The following PLPBP variants were observed in gnomAD, a reference collection of about 807,000 sequenced individuals.
PLPBP encodes the protein pyridoxal phosphate binding protein, also known as pyridoxal phosphate homeostasis protein.
A neutral mutation model predicts 31.2 loss-of-function variants in PLPBP; 21 were observed. The observed-to-expected ratio is 0.67, with a 90% CI of 0.48 to 0.97. PLPBP has a LOEUF of 0.97. Ranked by LOEUF, PLPBP falls within the 50% of genes least tolerant of loss-of-function variation. PLPBP has a pLI of 0.00. For synonymous variants in PLPBP, 124 were observed against 135.6 expected (o/e 0.91, Z 0.59); for missense variants, 308 against 354.4 (o/e 0.87, Z 1.05).
intron 3 of PLPBP, 70 bp from the exon 4 acceptor site, chr8:37,766,207 AGTG>A: frequency 9.5e-7 from 1 of 1,054,392 alleles, no homozygotes. Context: ...GGTGACAGGG[AGTG>A]CACGAGGCGT....
intron 7 of PLPBP, 126 bp from the exon 8 acceptor site, chr8:37,777,847 A>G: frequency 9.2e-7 from 1 of 1,084,516 alleles, no homozygotes; most frequent in Non-Finnish European, 1.3e-6. Flanking sequence ...CTGGGATTAC[A>G]GGCGTGAGCC....
intron 6 of PLPBP, among the ~76,000 whole-genome samples, 191 bp downstream of exon 6, chr8:37,775,672 A>G (rs1803883367): frequency 6.6e-6 from 1 of 152,192 alleles, no homozygotes; most frequent in Non-Finnish European, 1.5e-5. Context: ...AACCTTTTTC[A>G]ACTCAACTTG....
rs115792501 is a variant in PLPBP at position 37,774,930 on chromosome 8, A to T, written c.455-409A>T. 1,349 of 158,852 alleles carry T rather than the reference A, an allele frequency of 8.5e-3. 17 individuals carry two copies. The highest frequency in any genetic ancestry group is 0.031 in the African/African-American group (1,291 of 41,660). The allele number at this position is 158,852 out of a possible 1,614,324, so 9.8% of individuals were successfully genotyped here. On this transcript the variant is annotated intron_variant, in intron 5 of 7. Coordinates refer to ENST00000328195, the MANE Select transcript of PLPBP (RefSeq NM_007198.4). ...GCCAAAAATATTTAACATGTACTTT[A>T]TACTAAATTTTTTGCAACTCCATTA...
intron 4 of PLPBP, among the ~76,000 whole-genome samples, chr8:37,767,639 A>G (rs911946669): frequency 6.6e-6 from 1 of 152,140 alleles, no homozygotes; most frequent in South Asian, 2.1e-4. Context: ...ATAAGTTGCT[A>G]TGAATATTTG....
intron 7 of PLPBP, 33 bp from the exon 8 acceptor site, chr8:37,777,940 C>G: frequency 6.3e-7 from 1 of 1,594,070 alleles, no homozygotes; most frequent in South Asian, 1.1e-5. Flanking sequence ...TATTTTAAAC[C>G]TGGTCCTCGA....
chr8:37,766,390 C>A, intron 4 of PLPBP, 35 bp downstream of exon 4: 1 of 1,573,626 alleles, frequency 6.4e-7, no homozygotes, highest in South Asian at 1.1e-5. Flanking sequence ...CAAAATTGTT[C>A]TGTCATTGTA....
chr8:37,772,696 A>G (rs1199398659), intron 4 of PLPBP, 59 bp from the exon 5 acceptor site: 1 of 1,585,808 alleles, frequency 6.3e-7, no homozygotes, highest in Non-Finnish European at 8.6e-7. Flanking sequence ...GATTTGTTGC[A>G]TGTTACTTGC....
chr8:37,779,441 G>A lies in PLPBP; in HGVS notation c.*1337G>A, dbSNP rs539054873. ...AAGCCAGAATTGTGCAACTCTTCTGGATCATTAATAAAGTAGCAAGATCCT... is the reference window on the plus strand; with the variant it reads ...AAGCCAGAATTGTGCAACTCTTCTGAATCATTAATAAAGTAGCAAGATCCT... On this transcript the variant is annotated 3_prime_UTR_variant, in exon 8 of 8. Coordinates refer to ENST00000328195, the MANE Select transcript of PLPBP (RefSeq NM_007198.4). The A allele has an allele frequency of 2.6e-5, 4 of 152,222 alleles. No individual in the cohort carries two copies. The East Asian group carries it at 7.7e-4, about 29-fold the overall frequency. The allele number at this position is 152,222 out of a possible 1,614,324, so 9.4% of individuals were successfully genotyped here. A position where few individuals can be genotyped will look rare whatever the true frequency, so the allele number is the denominator to read the frequency against.
intron 1 of PLPBP, among the ~76,000 whole-genome samples, 176 bp downstream of exon 1, chr8:37,762,934 C>T (rs939703096): frequency 6.6e-6 from 1 of 152,178 alleles, no homozygotes; most frequent in African/African-American, 2.4e-5. Context: ...TACCTTGAGT[C>T]TGTTAGGTTT....
At chr8:37,777,418 G>A (rs1803942479) in intron 7 of PLPBP, among the ~76,000 whole-genome samples, 2 of 152,086 alleles carry the variant, frequency 1.3e-5, no homozygotes, top group Admixed American at 6.5e-5. Flanking sequence ...CCCCCTCCGA[G>A]CTGAGTGCCA....
rs146864261 is a variant in PLPBP, at chr8:37,769,465, A to T, written c.319+3110A>T. The stretch of plus-strand genomic sequence containing the variant: ...GAGTGGAAGAAAAATAATATTTTTG[A>T]AGAGGGAAGAGATTCATATCCAGAA... On this transcript the variant is annotated intron_variant, in intron 4 of 7. Transcript: ENST00000328195. Among the ~76,000 whole-genome samples the T allele has an allele frequency of 5.6e-3, 851 of 152,150 alleles. 9 individuals are homozygous for T. Among genetic ancestry groups the T allele is most frequent in the African/African-American group, 0.02 (817 of 41,530 alleles).
At chr8:37,768,491 GA>G (rs763523963) in intron 4 of PLPBP, among the ~76,000 whole-genome samples, 51 of 9,854 alleles carry the variant, frequency 5.2e-3, no homozygotes, top group Non-Finnish European at 9.5e-3. Context: ...TTTTTTTTTT[GA>G]GACGGATTCT....
chr8:37,762,619 G>C (rs751994469), upstream of PLPBP: 4 of 1,542,854 alleles, frequency 2.6e-6, no homozygotes, highest in South Asian at 2.4e-5. Context: ...TGTGAGCCAC[G>C]GGCTGCCGGG....
Position 37,762,657 on chromosome 8 carries a change from G to C in PLPBP, c.-3G>C. ...CCTGGGGCTCGGCGTCGGTCCCCGG[G>C]GGATGTGGAGAGCTGGCAGCATGTC... is the stretch of plus-strand genomic sequence containing the variant. On this transcript the variant is annotated 5_prime_UTR_variant, in exon 1 of 8. Coordinates refer to ENST00000328195, the MANE Select transcript of PLPBP (RefSeq NM_007198.4). 1 of 1,576,938 alleles carries C rather than the reference G, an allele frequency of 6.3e-7. No individual in the cohort carries two copies. The highest frequency in any genetic ancestry group is 8.6e-7 in the Non-Finnish European group (1 of 1,165,244).
At chr8:37,773,295 G>A (rs1043677519) in intron 5 of PLPBP, among the ~76,000 whole-genome samples, 1 of 151,138 alleles carries the variant, frequency 6.6e-6, no homozygotes, top group Non-Finnish European at 1.5e-5. Context: ...AGCCTCCCAA[G>A]TAGCTGGGAC....
chr8:37,765,825 G>A (rs1317466970), intron 3 of PLPBP, 79 bp downstream of exon 3: 2 of 1,492,542 alleles, frequency 1.3e-6, no homozygotes, highest in Non-Finnish European at 1.8e-6. Flanking sequence ...CCTGGTGGTT[G>A]AGTTGTACAG....
Position 37,778,351 on chromosome 8 carries a change from G to T in PLPBP, c.*247G>T. 3.2e-6 allele frequency: 1 copy of T among 308,542 alleles called. No individual in the cohort carries two copies. The highest frequency in any genetic ancestry group is 4.5e-5 in the South Asian group (1 of 22,170). 19.1% of individuals were successfully genotyped at this position (308,542 alleles called of 1,614,324 possible). On this transcript the variant is annotated 3_prime_UTR_variant, in exon 8 of 8. Transcript: ENST00000328195. ...TACCAAATCAATAGCTAGGAATCAT[G>T]TTCAATATTGAATTCTGCCCAGGAG...
chr8:37,768,989 T>C (rs1052338139), intron 4 of PLPBP, among the ~76,000 whole-genome samples: 65 of 152,274 alleles, frequency 4.3e-4, no homozygotes, highest in African/African-American at 1.4e-3. Flanking sequence ...CAGGAAAATA[T>C]TTTTATTTTC....
At chr8:37,768,732 C>CAAAGTGCTGGGATT (rs1554519146) in intron 4 of PLPBP, among the ~76,000 whole-genome samples, 1 of 151,918 alleles carries the variant, frequency 6.6e-6, no homozygotes, top group African/African-American at 2.4e-5. Flanking sequence ...CTTGGCCTCC[C>CAAAGTGCTGGGATT]AAAGTGCTGG....
Sources: allele counts gnomAD v4.1 joint callset (sites outside exome capture counted in the v4.1 genomes callset), GRCh38; gene constraint gnomAD v4.1.1; transcripts MANE v1.5; gene names NCBI Gene and HGNC (gene_info 2026-07-23, HGNC 2026-07-21).